Variants in TSBP1 observed in about 807,000 individuals in gnomAD.
The protein encoded by TSBP1 is testis expressed basic protein 1.
In TSBP1, 56 loss-of-function variants were observed where a neutral mutation model predicts 68.8. The observed-to-expected ratio is 0.81, with a 90% CI of 0.66 to 1.02. TSBP1 has a LOEUF of 1.02. TSBP1 is among the 50% of genes least tolerant of loss of function. The probability of loss-of-function intolerance (pLI) is 0.00; values close to 1 mark genes in which losing one functional copy is unlikely to be tolerated. For synonymous variants in TSBP1, 171 were observed against 208.7 expected, an observed-to-expected ratio of 0.82 and a Z score of 1.56; for missense variants, 502 against 641.2, an observed-to-expected ratio of 0.78 and a Z score of 2.34.
intron 20 of TSBP1, among the ~76,000 whole-genome samples, chr6:32,301,518 C>T (rs1258551342): frequency 1.3e-5 from 2 of 150,576 alleles, no homozygotes; most frequent in East Asian, 3.9e-4. Flanking sequence ...AGTTCAAGAC[C>T]AGCCTGGGCA....
At position 32,302,540 on chromosome 6, in the gene TSBP1, T is replaced by C; in HGVS notation, c.601+69A>G. ...AACAAACATAAAACATTAAAAACATTTGTAGAAAAAATTTGCTCACCCCAG... is the reference window on the plus strand; with the variant it reads ...AACAAACATAAAACATTAAAAACATCTGTAGAAAAAATTTGCTCACCCCAG... On this transcript the variant is annotated intron_variant, in intron 20 of 22. Transcript: ENST00000612031. The surrounding 1 kb of genome is among the most constrained non-coding windows in gnomAD (Gnocchi z 5.1). The C allele has an allele frequency of 3.1e-6, 3 of 969,282 alleles. No homozygotes were observed. The highest frequency in any genetic ancestry group is 4.9e-6 in the Non-Finnish European group (3 of 608,912). The allele number at this position is 969,282 out of a possible 1,614,324, so 60.0% of individuals were successfully genotyped here.
chr6:32,302,705 T>A lies in TSBP1; in HGVS notation c.581-76A>T, dbSNP rs951540877. On this transcript the variant is annotated intron_variant, in intron 19 of 22. Transcript: ENST00000612031. The surrounding 1 kb of genome is among the most constrained non-coding windows in gnomAD (Gnocchi z 5.1). ...AGTACAGTTCTTTCCTACTCCCAAT[T>A]CCCTAGTTGTTTTTTCTAGGGTACC... 1.9e-6 allele frequency: 2 copies of A among 1,055,594 alleles called. No homozygotes were observed. The allele number at this position is 1,055,594 out of a possible 1,614,324, so 65.4% of individuals were successfully genotyped here.
At position 32,335,461 on chromosome 6, in the gene TSBP1, A is replaced by T. The variant is rs751411098; in HGVS notation, c.452-4T>A. On this transcript the variant is annotated splice_region_variant and splice_polypyrimidine_tract_variant and intron_variant, in intron 13 of 22. Transcript: ENST00000612031. The surrounding 1 kb of genome is among the most constrained non-coding windows in gnomAD (Gnocchi z 5.5). ...CCAATGGTTTTTTGAGAGAGCTCTA[A>T]AAAAAAAAGAGAAAAGAAATCAGTA... is the stretch of plus-strand genomic sequence containing the variant. The T allele has an allele frequency of 1.4e-6, 2 of 1,475,272 alleles. No homozygotes were observed. The highest frequency in any genetic ancestry group is 2.9e-5 in the African/African-American group (2 of 67,858). The allele number at this position is 1,475,272 out of a possible 1,614,324, so 91.4% of individuals were successfully genotyped here. A position where few individuals can be genotyped will look rare whatever the true frequency, so the allele number is the denominator to read the frequency against.
chr6:32,312,059 C>T (rs1187806195), intron 19 of TSBP1, among the ~76,000 whole-genome samples: 5 of 152,068 alleles, frequency 3.3e-5, no homozygotes, highest in East Asian at 1.9e-4. Context: ...GTGTATTGCT[C>T]GAGAGGGAGT....
chr6:32,366,192 A>G lies in TSBP1; in HGVS notation c.197-5T>C. The G allele has an allele frequency of 1.3e-6, 2 of 1,594,956 alleles. No homozygotes were observed. Among genetic ancestry groups the G allele is most frequent in the Non-Finnish European group, 1.7e-6 (2 of 1,173,586 alleles). The stretch of plus-strand genomic sequence containing the variant: ...CTCGGTTATCATATGAAGTGTCTAG[A>G]GAATTGAAGAAAAATTATAAGATTC... On this transcript the variant is annotated splice_polypyrimidine_tract_variant and splice_region_variant and intron_variant, in intron 5 of 22. Coordinates refer to ENST00000612031, the Ensembl canonical transcript of TSBP1.
chr6:32,309,421 G>A (rs1766144466), intron 19 of TSBP1, among the ~76,000 whole-genome samples: 1 of 151,916 alleles, frequency 6.6e-6, no homozygotes, highest in South Asian at 2.1e-4. Context: ...ATGTCCCTTT[G>A]ATAATTCTTT....
rs545698306 is a variant in TSBP1 at position 32,294,280 on chromosome 6, A to G, written c.638-245T>C. ...AAAAGGTAAAATGTACTGTAAATGA[A>G]CTGACATTTGTTCAGTGGATTATGG... On this transcript the variant is annotated intron_variant, in intron 22 of 22. Coordinates refer to ENST00000612031, the Ensembl canonical transcript of TSBP1. 5.2e-6 allele frequency: 3 copies of G among 576,652 alleles called. No homozygotes were observed. In the South Asian group the frequency reaches 6.3e-5, roughly 12 times the overall value. The allele number at this position is 576,652 out of a possible 1,614,324, so 35.7% of individuals were successfully genotyped here. A position where few individuals can be genotyped will look rare whatever the true frequency, so the allele number is the denominator to read the frequency against.
At chr6:32,308,590 T>A (rs1766020233) in intron 19 of TSBP1, among the ~76,000 whole-genome samples, 1 of 90,814 alleles carries the variant, frequency 1.1e-5, no homozygotes, top group Non-Finnish European at 2.2e-5. Context: ...AGAGCGAGAC[T>A]CCGTCTCAAA....
At position 32,349,452 on chromosome 6, in the gene TSBP1, A is replaced by AT. The variant is rs1051376859; in HGVS notation, c.349+287dup. ...TCTATATTATCTTCATCCTCATCTT[A>AT]TTTTTCTTACTAACTTTTTGCTCTT... On this transcript the variant is annotated intron_variant, in intron 9 of 22. Transcript: ENST00000612031. The AT allele has an allele frequency of 1.8e-4, 51 of 281,944 alleles. 1 individual carries two copies. The highest frequency in any genetic ancestry group is 1.3e-3 in the African/African-American group (48 of 38,044). The allele number at this position is 281,944 out of a possible 1,614,324, so 17.5% of individuals were successfully genotyped here.
At chr6:32,323,902 A>C (rs755796169) in intron 16 of TSBP1, 6 of 445,900 alleles carry the variant, frequency 1.3e-5, no homozygotes, top group Non-Finnish European at 1.6e-5. Context: ...TACGGTGGTG[A>C]AAACATGGAC....
In TSBP1 at chr6:32,336,947, T is replaced by C. The variant is rs1053801954; in HGVS notation, c.410-312A>G. On this transcript the variant is annotated intron_variant, in intron 11 of 22. Coordinates refer to ENST00000612031, the Ensembl canonical transcript of TSBP1. This position sits in a 1 kb window ranked among gnomAD's most constrained non-coding sequence, Gnocchi z 5.2. ...TAGCAATTCAGGATATTGTGTCTGA[T>C]TGCTTGGGCATCAGAAGGTGTCAGA... is the stretch of plus-strand genomic sequence containing the variant. Among the ~76,000 whole-genome samples the C allele has an allele frequency of 2.7e-5, 4 of 150,342 alleles. No homozygotes were observed. The highest frequency in any genetic ancestry group is 9.7e-5 in the African/African-American group (4 of 41,304).
At chr6:32,366,646 G>A (rs1773762425) in intron 4 of TSBP1, among the ~76,000 whole-genome samples, 1 of 151,148 alleles carries the variant, frequency 6.6e-6, no homozygotes, top group Non-Finnish European at 1.5e-5. Context: ...GGTGCCTGTG[G>A]TCACTGCTCA....
intron 19 of TSBP1, among the ~76,000 whole-genome samples, chr6:32,311,227 ATTTAGTCCAATCGTCTTAAATG>A (rs997160451): frequency 3.9e-5 from 6 of 152,094 alleles, no homozygotes; most frequent in African/African-American, 1.4e-4. Flanking sequence ...TGATTATCTA[ATTTAGTCCAATCGTCTTAAATG>A]TTACCTATAT....
exon 6 of TSBP1, chr6:32,366,170 G>T (rs147081172): frequency 2.5e-6 from 4 of 1,601,616 alleles, no homozygotes; most frequent in Non-Finnish European, 3.4e-6. Context: ...TACTTACCTC[G>T]GTTATCATAT....
At chr6:32,369,658 C>T (rs1041963909) in intron 2 of TSBP1, among the ~76,000 whole-genome samples, 4 of 148,306 alleles carry the variant, frequency 2.7e-5, no homozygotes, top group Middle Eastern at 6.8e-3. Flanking sequence ...CGTGAGCCAC[C>T]GCTCCCGGCC....
rs1303395408 is a variant in TSBP1, at chr6:32,325,363, C to G, written c.515-1749G>C. On this transcript the variant is annotated intron_variant, in intron 16 of 22. Transcript: ENST00000612031. The surrounding 1 kb of genome is among the most constrained non-coding windows in gnomAD (Gnocchi z 4.4). ...CCCGGACAGTGTGGTCATGAGAGATCCAAACCCAAGCACTCCAGGGGCTTT... is the reference window on the plus strand; with the variant it reads ...CCCGGACAGTGTGGTCATGAGAGATGCAAACCCAAGCACTCCAGGGGCTTT... 1.0e-6 allele frequency: 1 copy of G among 996,218 alleles called. No homozygotes were observed. Among genetic ancestry groups the G allele is most frequent in the Non-Finnish European group, 1.6e-6 (1 of 633,062 alleles). The allele number at this position is 996,218 out of a possible 1,614,324, so 61.7% of individuals were successfully genotyped here.
intron 19 of TSBP1, among the ~76,000 whole-genome samples, chr6:32,311,891 G>A (rs951699808): frequency 2.0e-5 from 3 of 152,188 alleles, no homozygotes; most frequent in African/African-American, 7.2e-5. Context: ...GAGAGAGACA[G>A]TAGTGCAGAG....
chr6:32,314,475 C>G lies in TSBP1; in HGVS notation c.580+1297G>C, dbSNP rs1766743370. On this transcript the variant is annotated intron_variant, in intron 19 of 22. Transcript: ENST00000612031. This position sits in a 1 kb window ranked among gnomAD's most constrained non-coding sequence, Gnocchi z 4.2. Reference sequence around the variant, plus strand: ...ATGGCCCATGTGCAAACATAGACATCTGGAATTTCCAGCTTCATTTCTGGG... The same window carrying G: ...ATGGCCCATGTGCAAACATAGACATGTGGAATTTCCAGCTTCATTTCTGGG... 6.6e-6 allele frequency among the ~76,000 whole-genome samples: 1 copy of G among 152,192 alleles called. No individual in the cohort carries two copies. The highest frequency in any genetic ancestry group is 1.5e-5 in the Non-Finnish European group (1 of 68,034).
At chr6:32,352,297 T>G (rs1430691724) in intron 8 of TSBP1, among the ~76,000 whole-genome samples, 3 of 151,940 alleles carry the variant, frequency 2.0e-5, no homozygotes. Flanking sequence ...AAAGAGTAGT[T>G]TGGAGGGAAG....
Sources: gnomAD v4.1 joint callset for allele counts (sites outside exome capture counted in the v4.1 genomes callset) on GRCh38, gnomAD v4.1.1 for gene constraint, Gnocchi (gnomAD v3.1) non-coding constraint, MANE v1.5 for transcripts, NCBI Gene and HGNC (gene_info 2026-07-23, HGNC 2026-07-21) for gene names.